Variants in N4BP2L2 observed in about 807,000 individuals in gnomAD.
N4BP2L2 encodes the protein NEDD4-binding protein 2-like 2.
N4BP2L2 carries 50 observed loss-of-function variants against 56.2 expected under a neutral mutation model. The observed-to-expected ratio is 0.89, with a 90% CI of 0.71 to 1.13. The LOEUF (loss-of-function observed/expected upper bound fraction) is 1.13, where lower values mean the gene tolerates loss of function less well. Among genes scored for constraint, N4BP2L2 ranks in the 50% most tolerant of loss-of-function variants. The pLI is 0.00. For missense variants in N4BP2L2, 689 were observed against 693.8 expected, an observed-to-expected ratio of 0.99 and a Z score of 0.08; for synonymous variants, 203 against 223.6, an observed-to-expected ratio of 0.91 and a Z score of 0.82.
At chr13:32,444,122 T>C (rs768515117) in exon 7 of N4BP2L2, 1 of 1,500,774 alleles carries the variant, frequency 6.7e-7, no homozygotes, top group East Asian at 2.3e-5. Context: ...TTCAAAACTC[T>C]TTCTCTGAAA....
At chr13:32,500,569 A>AAAAAAAAAAAAAAAAAAAAT (rs1555265131) in intron 6 of N4BP2L2, among the ~76,000 whole-genome samples, 1 of 134,624 alleles carries the variant, frequency 7.4e-6, no homozygotes, top group African/African-American at 2.7e-5. Flanking sequence ...AAAAAAAAAA[A>AAAAAAAAAAAAAAAAAAAAT]TAGCCAGGCA....
intron 6 of N4BP2L2, among the ~76,000 whole-genome samples, chr13:32,465,948 G>T (rs1489506700): frequency 6.6e-6 from 1 of 152,124 alleles, no homozygotes; most frequent in Non-Finnish European, 1.5e-5. Context: ...CACCACGCCT[G>T]GCCTAGTTTT....
intron 6 of N4BP2L2, among the ~76,000 whole-genome samples, chr13:32,474,503 G>A (rs975239582): frequency 4.0e-5 from 6 of 150,196 alleles, no homozygotes; most frequent in Non-Finnish European, 7.4e-5. Context: ...CAGTCTGGCC[G>A]ACACGGTGAA....
At chr13:32,497,441 TTCTC>T (rs1010963373) in intron 6 of N4BP2L2, among the ~76,000 whole-genome samples, 5 of 152,236 alleles carry the variant, frequency 3.3e-5, no homozygotes, top group African/African-American at 1.2e-4. Flanking sequence ...ATCCAGCTGA[TTCTC>T]TGTCACATGA....
chr13:32,490,292 T>G (rs2139318512), intron 6 of N4BP2L2, among the ~76,000 whole-genome samples: 1 of 152,034 alleles, frequency 6.6e-6, no homozygotes, highest in Non-Finnish European at 1.5e-5. Flanking sequence ...GAAGCTACTG[T>G]TTTGTTTTTT....
At chr13:32,529,237 T>C (rs1230398344) in intron 2 of N4BP2L2, among the ~76,000 whole-genome samples, 1 of 152,258 alleles carries the variant, frequency 6.6e-6, no homozygotes. Flanking sequence ...AATTTAAGTA[T>C]GTATAGGTTG....
intron 6 of N4BP2L2, among the ~76,000 whole-genome samples, chr13:32,476,862 T>C (rs1352962985): frequency 1.3e-5 from 2 of 152,176 alleles, no homozygotes; most frequent in Non-Finnish European, 2.9e-5. Flanking sequence ...CCTGGCAGTG[T>C]GGTGCAAGGT....
rs942884503 is a variant in N4BP2L2 at position 32,527,682 on chromosome 13, A to G, written c.1260-150T>C. The G allele has an allele frequency of 2.4e-5, 19 of 808,198 alleles. No individual in the cohort carries two copies. In the Admixed American group the frequency reaches 3.7e-4, roughly 16 times the overall value. The allele number at this position is 808,198 out of a possible 1,614,324, so 50.1% of individuals were successfully genotyped here. A position where few individuals can be genotyped will look rare whatever the true frequency, so the allele number is the denominator to read the frequency against. ...GATACTTACCTGAAAGTATATCACG[A>G]ACAGACCAGCACAAGAGCTGAATAA... On this transcript the variant is annotated intron_variant, in intron 2 of 5. Coordinates refer to ENST00000267068, the Ensembl canonical transcript of N4BP2L2.
intron 3 of N4BP2L2, chr13:32,522,553 G>A (rs2051278362): frequency 4.6e-6 from 1 of 217,806 alleles, no homozygotes; most frequent in South Asian, 1.7e-4. Context: ...TTCAAGTCTA[G>A]GACTAACTTT....
At chr13:32,433,315 AT>A (rs1566002646) in intron 9 of N4BP2L2, among the ~76,000 whole-genome samples, 1 of 152,218 alleles carries the variant, frequency 6.6e-6, no homozygotes, top group African/African-American at 2.4e-5. Context: ...CACAATTTCT[AT>A]TTTGCCAGAG....
chr13:32,481,629 T>C (rs1382614029), intron 6 of N4BP2L2, among the ~76,000 whole-genome samples: 2 of 152,332 alleles, frequency 1.3e-5, no homozygotes, highest in East Asian at 1.9e-4. Context: ...AACTATTTCA[T>C]TGGGTTTTGA....
intron 6 of N4BP2L2, among the ~76,000 whole-genome samples, chr13:32,487,090 G>T (rs528777938): frequency 6.6e-6 from 1 of 152,298 alleles, no homozygotes; most frequent in African/African-American, 2.4e-5. Context: ...TACTCAGCAG[G>T]CTGAGGAAGA....
intron 6 of N4BP2L2, chr13:32,478,045 G>A (rs1203432625): frequency 1.6e-6 from 2 of 1,288,902 alleles, no homozygotes; most frequent in East Asian, 5.6e-5. Flanking sequence ...TAGTCTGCTG[G>A]TTGCTGTGGG....
chr13:32,513,832 A>G (rs1346701604), exon 6 of N4BP2L2: 1 of 152,208 alleles, frequency 6.6e-6, no homozygotes, highest in Non-Finnish European at 1.5e-5. Context: ...TTAAACTTCA[A>G]TAAAGACTAG....
At position 32,500,717 on chromosome 13, in the gene N4BP2L2, C is replaced by CA. The variant is rs200056832; in HGVS notation, c.365+17139dup. ...TGGGTGACAGACGGAAACCGTGTCT[C>CA]AAAAAAAAAAAAAGTACTATTATTC... On this transcript the variant is annotated intron_variant, in intron 6 of 9. Coordinates refer to the N4BP2L2 transcript ENST00000357505. Among the ~76,000 whole-genome samples the CA allele has an allele frequency of 8.0e-3, 1,058 of 132,246 alleles. 4 individuals carry two copies. The highest frequency in any genetic ancestry group is 8.9e-3 in the Non-Finnish European group (542 of 60,732). The allele number at this position is 132,246 out of a possible 152,430, so 86.8% of individuals were successfully genotyped here.
intron 6 of N4BP2L2, among the ~76,000 whole-genome samples, chr13:32,490,505 A>G (rs1055180685): frequency 6.6e-6 from 1 of 152,078 alleles, no homozygotes; most frequent in African/African-American, 2.4e-5. Context: ...AGGTCTCACT[A>G]TGTTGACCAG....
At chr13:32,489,761 T>G (rs906164156) in intron 6 of N4BP2L2, among the ~76,000 whole-genome samples, 1 of 87,494 alleles carries the variant, frequency 1.1e-5, no homozygotes, top group African/African-American at 4.2e-5. Flanking sequence ...TCAATTCCCC[T>G]CCTGAAAAAA....
At chr13:32,484,195 C>T (rs1321096654) in intron 6 of N4BP2L2, among the ~76,000 whole-genome samples, 2 of 151,676 alleles carry the variant, frequency 1.3e-5, no homozygotes, top group African/African-American at 4.8e-5. Flanking sequence ...TGGTGGCGCA[C>T]GTCTGTAGTC....
chr13:32,445,728 T>C (rs1445211331), intron 6 of N4BP2L2, among the ~76,000 whole-genome samples: 1 of 152,208 alleles, frequency 6.6e-6, no homozygotes, highest in Admixed American at 6.5e-5. Context: ...CCAGGGAAGC[T>C]AACCATCCTG....
Sources: allele counts gnomAD v4.1 joint callset (sites outside exome capture counted in the v4.1 genomes callset), GRCh38; gene constraint gnomAD v4.1.1; transcripts MANE v1.5; gene names NCBI Gene and HGNC (gene_info 2026-07-23, HGNC 2026-07-21).